The following MBNL1 variants were observed in gnomAD, a reference collection of about 807,000 sequenced individuals.
MBNL1 encodes the protein muscleblind like splicing regulator 1.
MBNL1 carries 8 observed loss-of-function variants against 42.2 expected under a neutral mutation model. The ratio of observed to expected loss-of-function variants is 0.19; its 90% confidence interval spans 0.11 to 0.34. The LOEUF is 0.34. MBNL1 is among the 10% of genes least tolerant of loss of function. The probability of loss-of-function intolerance (pLI) is 1.00; values close to 1 mark genes in which losing one functional copy is unlikely to be tolerated. For missense variants in MBNL1, 309 were observed against 495.3 expected, an observed-to-expected ratio of 0.62 and a Z score of 3.57; for synonymous variants, 169 against 173.9, an observed-to-expected ratio of 0.97 and a Z score of 0.22.
At chr3:152,380,075 A>G (rs2097115450) in intron 2 of MBNL1, among the ~76,000 whole-genome samples, 3 of 152,222 alleles carry the variant, frequency 2.0e-5, no homozygotes, top group African/African-American at 7.2e-5. Context: ...ATTGCTCAGT[A>G]GTACATAACA....
chr3:152,439,413 G>T (rs2099118504), intron 4 of MBNL1, among the ~76,000 whole-genome samples: 1 of 152,176 alleles, frequency 6.6e-6, no homozygotes, highest in South Asian at 2.1e-4. Flanking sequence ...TTTTAATAAT[G>T]TAGGAAAGTC....
At chr3:152,460,455 C>T (rs1222095879) in intron 9 of MBNL1, among the ~76,000 whole-genome samples, 2 of 116,996 alleles carry the variant, frequency 1.7e-5, no homozygotes, top group African/African-American at 6.8e-5. Context: ...TTTAAAAACA[C>T]TGTGGTGGTG....
intron 2 of MBNL1, among the ~76,000 whole-genome samples, chr3:152,364,179 A>G (rs564271210): frequency 1.3e-5 from 2 of 152,216 alleles, no homozygotes; most frequent in East Asian, 3.9e-4. Flanking sequence ...TAGAGGCTAT[A>G]GTAATAATCT....
chr3:152,379,722 G>A (rs1193450078), intron 2 of MBNL1, among the ~76,000 whole-genome samples: 3 of 151,964 alleles, frequency 2.0e-5, no homozygotes, highest in African/African-American at 7.3e-5. Context: ...GTTGCAGTAG[G>A]GTTTTGTTTT....
intron 2 of MBNL1, among the ~76,000 whole-genome samples, chr3:152,373,242 C>T (rs770428255): frequency 1.2e-4 from 17 of 146,260 alleles, no homozygotes; most frequent in East Asian, 2.2e-4. Flanking sequence ...GGCTCTGTGG[C>T]GGTGGGATCC....
At chr3:152,418,894 T>A (rs116510006) in intron 3 of MBNL1, among the ~76,000 whole-genome samples, 6,017 of 151,912 alleles carry the variant, frequency 0.04, 397 homozygotes, top group African/African-American at 0.14. Context: ...TTTTTTATAG[T>A]TTTTGTAGAG....
chr3:152,251,519 C>G (rs2034527295), intron 2 of MBNL1, among the ~76,000 whole-genome samples: 1 of 151,974 alleles, frequency 6.6e-6, no homozygotes, highest in African/African-American at 2.4e-5. Context: ...CTTTAGTCTC[C>G]TTTTGTCTGG....
At chr3:152,285,527 A>C (rs1438641990) in intron 1 of MBNL1, among the ~76,000 whole-genome samples, 1 of 152,172 alleles carries the variant, frequency 6.6e-6, no homozygotes, top group Non-Finnish European at 1.5e-5. Context: ...GTATGTCAAC[A>C]TATAAAATAT....
chr3:152,293,799 G>A (rs1337362395), intron 1 of MBNL1, among the ~76,000 whole-genome samples: 1 of 152,092 alleles, frequency 6.6e-6, no homozygotes, highest in Admixed American at 6.5e-5. Flanking sequence ...AAGAACTTTT[G>A]CAATGATTAG....
intron 2 of MBNL1, among the ~76,000 whole-genome samples, chr3:152,255,857 A>G (rs184467944): frequency 4.1e-4 from 62 of 152,290 alleles, no homozygotes; most frequent in Non-Finnish European, 6.6e-4. Flanking sequence ...AGACGACTCC[A>G]GGAAGAGTAG....
intron 2 of MBNL1, among the ~76,000 whole-genome samples, chr3:152,301,297 T>TACCCAGGA (rs1340754952): frequency 6.6e-6 from 1 of 152,208 alleles, no homozygotes; most frequent in Admixed American, 6.5e-5. Flanking sequence ...TGTTCCTGGG[T>TACCCAGGA]ACTTTCAGCC....
chr3:152,291,708 GA>G (rs1403032050), intron 1 of MBNL1, among the ~76,000 whole-genome samples: 1 of 152,218 alleles, frequency 6.6e-6, no homozygotes, highest in Non-Finnish European at 1.5e-5. Context: ...ATGATAAGCA[GA>G]TAGCGAGATA....
At position 152,406,202 on chromosome 3, in the gene MBNL1, C is replaced by T. The variant is rs76694602; in HGVS notation, c.175-8739C>T. ...ATAGGTGCAGTTAAGCCCTGCATAG[C>T]ATTAACCTCAGCAGTGGTGATACAC... is the stretch of plus-strand genomic sequence containing the variant. On this transcript the variant is annotated intron_variant, in intron 2 of 9. Transcript: ENST00000324210. 4.9e-3 allele frequency among the ~76,000 whole-genome samples: 749 copies of T among 152,194 alleles called. 16 individuals carry two copies. The East Asian group carries it at 0.063, about 13-fold the overall frequency.
At chr3:152,244,585 G>T (rs2032436853) in intron 2 of MBNL1, 1 of 152,110 alleles carries the variant, frequency 6.6e-6, no homozygotes, top group Admixed American at 6.5e-5. Flanking sequence ...TAAATAAAAA[G>T]TTTAATACAT....
chr3:152,425,701 C>T (rs2098919154), intron 3 of MBNL1, among the ~76,000 whole-genome samples: 1 of 151,842 alleles, frequency 6.6e-6, no homozygotes, highest in African/African-American at 2.4e-5. Context: ...AGTCGGGGAA[C>T]AACAGATGCT....
At chr3:152,437,604 C>A (rs1345930724) in intron 4 of MBNL1, among the ~76,000 whole-genome samples, 3 of 152,014 alleles carry the variant, frequency 2.0e-5, no homozygotes, top group African/African-American at 7.3e-5. Context: ...CAGCCACAAG[C>A]TACTGAAACA....
At chr3:152,439,783 G>T (rs1047612287) in intron 4 of MBNL1, among the ~76,000 whole-genome samples, 2 of 152,108 alleles carry the variant, frequency 1.3e-5, no homozygotes, top group African/African-American at 2.4e-5. Flanking sequence ...GGGAGGTTGA[G>T]GCTGCAGTGA....
At chr3:152,339,872 A>C (rs2092659978) in intron 2 of MBNL1, 1 of 152,204 alleles carries the variant, frequency 6.6e-6, no homozygotes, top group Non-Finnish European at 1.5e-5. Context: ...CTGTGCTGTA[A>C]GATGAGCAAA....
At chr3:152,379,214 T>C (rs2097069520) in intron 2 of MBNL1, among the ~76,000 whole-genome samples, 1 of 152,182 alleles carries the variant, frequency 6.6e-6, no homozygotes, top group Non-Finnish European at 1.5e-5. Context: ...TCTTGGCAAA[T>C]TGATAGACTC....
Sources: allele counts gnomAD v4.1 joint callset (sites outside exome capture counted in the v4.1 genomes callset), GRCh38; gene constraint gnomAD v4.1.1; transcripts MANE v1.5; gene names NCBI Gene and HGNC (gene_info 2026-07-23, HGNC 2026-07-21).